TENM4: variants seen among roughly 807,000 people sequenced by gnomAD.
TENM4 encodes teneurin-4.
A neutral mutation model predicts 243.3 loss-of-function variants in TENM4; 82 were observed. The ratio of observed to expected loss-of-function variants is 0.34; its 90% confidence interval spans 0.28 to 0.40. The LOEUF is 0.40. Among genes scored for constraint, TENM4 ranks in the 10% least tolerant of loss-of-function variants. TENM4 has a pLI of 1.00. For missense variants in TENM4, 3,138 were observed against 3,673.3 expected (o/e 0.85, Z 3.77); for synonymous variants, 1,412 against 1,456.3 (o/e 0.97, Z 0.69).
At chr11:79,154,691 T>C (rs1565226580) in intron 3 of TENM4, among the ~76,000 whole-genome samples, 1 of 152,104 alleles carries the variant, frequency 6.6e-6, no homozygotes, top group Non-Finnish European at 1.5e-5. Flanking sequence ...AGCTTAGCCT[T>C]ACTCACTTGC....
At chr11:78,802,887 A>T (rs571173367) in intron 15 of TENM4, among the ~76,000 whole-genome samples, 10 of 152,322 alleles carry the variant, frequency 6.6e-5, no homozygotes, top group Middle Eastern at 3.4e-3. Flanking sequence ...ATTAGAATCT[A>T]TATTTCTGAA....
At chr11:78,879,529 T>A (rs1859371073) in intron 9 of TENM4, among the ~76,000 whole-genome samples, 1 of 125,384 alleles carries the variant, frequency 8.0e-6, no homozygotes, top group Non-Finnish European at 1.6e-5. Context: ...GAGGAGCGCC[T>A]CTGCACGGCC....
intron 2 of TENM4, among the ~76,000 whole-genome samples, chr11:79,228,185 A>C (rs540950805): frequency 2.2e-4 from 33 of 152,338 alleles, no homozygotes; most frequent in Admixed American, 1.6e-3. Context: ...AAGACTTGCA[A>C]GCTCTCCATG....
chr11:78,988,137 A>G (rs1857959872), intron 6 of TENM4, among the ~76,000 whole-genome samples: 1 of 152,106 alleles, frequency 6.6e-6, no homozygotes, highest in African/African-American at 2.4e-5. Context: ...ATTGTGGTTT[A>G]CTCCCTAGGT....
intron 2 of TENM4, among the ~76,000 whole-genome samples, chr11:79,280,525 G>C (rs1321504208): frequency 6.6e-6 from 1 of 152,184 alleles, no homozygotes; most frequent in Admixed American, 6.5e-5. Context: ...ACCACACAGG[G>C]AAGAAGCGAG....
chr11:79,162,871 T>C (rs1390491137), intron 3 of TENM4, among the ~76,000 whole-genome samples: 2 of 152,236 alleles, frequency 1.3e-5, no homozygotes, highest in Non-Finnish European at 1.5e-5. Flanking sequence ...CCATGCAGCC[T>C]GGTCAAGTGG....
intron 1 of TENM4, among the ~76,000 whole-genome samples, chr11:79,340,226 A>G (rs1857219086): frequency 6.6e-6 from 1 of 152,228 alleles, no homozygotes; most frequent in African/African-American, 2.4e-5. Flanking sequence ...GAGAAGGAAA[A>G]TGGCTTCCAA....
At chr11:79,271,801 A>C (rs553022140) in intron 2 of TENM4, among the ~76,000 whole-genome samples, 7 of 152,324 alleles carry the variant, frequency 4.6e-5, no homozygotes, top group Non-Finnish European at 8.8e-5. Context: ...CCTCTTGGCA[A>C]GACCACCTAG....
intron 6 of TENM4, among the ~76,000 whole-genome samples, chr11:78,978,623 A>G (rs1857721787): frequency 2.0e-5 from 3 of 152,188 alleles, no homozygotes; most frequent in Admixed American, 1.3e-4. Context: ...GGAAGTGGAC[A>G]CCAGGACGGA....
chr11:79,064,478 C>T (rs1860186006), intron 6 of TENM4: 1 of 482,570 alleles, frequency 2.1e-6, no homozygotes, highest in Non-Finnish European at 3.7e-6. Flanking sequence ...TGCACACAGG[C>T]ACCTTATGAG....
At chr11:79,117,317 T>C (rs529982429) in intron 4 of TENM4, among the ~76,000 whole-genome samples, 18 of 152,308 alleles carry the variant, frequency 1.2e-4, no homozygotes, top group Admixed American at 7.8e-4. Flanking sequence ...TCAAGGGGCA[T>C]GCATCTTTCT....
intron 2 of TENM4, among the ~76,000 whole-genome samples, chr11:79,276,190 A>G (rs115211728): frequency 0.024 from 3,696 of 152,310 alleles, 135 homozygotes; most frequent in African/African-American, 0.084. Flanking sequence ...TGGCCATTTC[A>G]TTCAGCCCCA....
intron 2 of TENM4, among the ~76,000 whole-genome samples, chr11:79,295,704 G>C (rs763108262): frequency 6.6e-6 from 1 of 152,092 alleles, no homozygotes. Flanking sequence ...ATGAATAGCA[G>C]GCATTTTTGT....
At chr11:79,381,245 G>A (rs512908) in intron 1 of TENM4, among the ~76,000 whole-genome samples, 67,398 of 151,346 alleles carry the variant, frequency 0.45, 14,929 homozygotes, top group African/African-American at 0.47. Flanking sequence ...AGCCAAGTCC[G>A]GCCTGGAACT....
intron 6 of TENM4, among the ~76,000 whole-genome samples, chr11:78,943,960 G>A (rs1312886916): frequency 1.3e-5 from 2 of 152,312 alleles, no homozygotes; most frequent in East Asian, 1.9e-4. Flanking sequence ...TGCAGAGTGC[G>A]TGGTGAGGAC....
At chr11:78,888,375 G>T (rs1028661434) in intron 9 of TENM4, among the ~76,000 whole-genome samples, 2 of 152,198 alleles carry the variant, frequency 1.3e-5, no homozygotes, top group Admixed American at 6.5e-5. Flanking sequence ...TTGGAGCCAT[G>T]GAATTGTCTA....
chr11:79,100,157 T>C (rs1364417130), intron 4 of TENM4, among the ~76,000 whole-genome samples: 1 of 152,202 alleles, frequency 6.6e-6, no homozygotes, highest in Admixed American at 6.5e-5. Context: ...AGGGTTTCCG[T>C]AAACATCAAA....
At chr11:79,083,301 A>G (rs1024085278) in intron 4 of TENM4, among the ~76,000 whole-genome samples, 1 of 152,186 alleles carries the variant, frequency 6.6e-6, no homozygotes, top group African/African-American at 2.4e-5. Context: ...CTGTCCCTAG[A>G]CAAGATAATG....
At chr11:79,245,415 CT>C (rs946397537) in intron 2 of TENM4, among the ~76,000 whole-genome samples, 7 of 152,312 alleles carry the variant, frequency 4.6e-5, no homozygotes, top group African/African-American at 1.7e-4. Flanking sequence ...AGAGTCCTGG[CT>C]GGGTGCCCTC....
Sources: allele counts gnomAD v4.1 joint callset (sites outside exome capture counted in the v4.1 genomes callset), GRCh38; gene constraint gnomAD v4.1.1; transcripts MANE v1.5; gene names NCBI Gene and HGNC (gene_info 2026-07-23, HGNC 2026-07-21).